AKT2: variants seen among roughly 807,000 people sequenced by gnomAD.
AKT2 encodes AKT serine/threonine kinase 2.
Under a neutral mutation model 58.6 loss-of-function variants are expected in AKT2, and 16 were observed. The ratio of observed to expected loss-of-function variants is 0.27; its 90% CI spans 0.18 to 0.41. The LOEUF (loss-of-function observed/expected upper bound fraction) is 0.41, where lower values mean the gene tolerates loss of function less well. Ranked by LOEUF, AKT2 falls within the 10% of genes least tolerant of loss-of-function variation. The pLI is 1.00. For synonymous variants in AKT2, 253 were observed against 254.0 expected (o/e 1.00, Z 0.04); for missense variants, 438 against 661.0 (o/e 0.66, Z 3.70).
chr19:40,242,844 G>A lies in AKT2; in HGVS notation c.288-157C>T. 1.2e-6 allele frequency: 1 copy of A among 800,758 alleles called. No individual in the cohort carries two copies. Among genetic ancestry groups the A allele is most frequent in the East Asian group, 2.7e-5 (1 of 37,012 alleles). 49.6% of individuals were successfully genotyped at this position (800,758 alleles called of 1,614,324 possible). A position where few individuals can be genotyped will look rare whatever the true frequency, so the allele number is the denominator to read the frequency against. ...AGATCTGTCAGAACCAGAGAGAGCT[G>A]AAGGGACCTGAGTGAAATTCCACGC... On this transcript the variant is annotated intron_variant, in intron 4 of 13. Transcript: ENST00000392038. This position sits in a 1 kb window ranked among gnomAD's most constrained non-coding sequence, Gnocchi z 4.3.
chr19:40,238,990 G>A lies in AKT2; in HGVS notation c.640-17C>T, dbSNP rs2145185102. ...CTTCAGCGCCTGGGGGATGAAGGCA[G>A]CAGGGTGGGAGGTGGGAGGGAGGAG... is the stretch of plus-strand genomic sequence containing the variant. On this transcript the variant is annotated splice_polypyrimidine_tract_variant and intron_variant, in intron 7 of 13. Coordinates refer to ENST00000392038, the MANE Select transcript of AKT2 (RefSeq NM_001626.6). This position sits in a 1 kb window ranked among gnomAD's most constrained non-coding sequence, Gnocchi z 5.1. 1 of 1,613,482 alleles carries A rather than the reference G, an allele frequency of 6.2e-7. No homozygotes were observed. The highest frequency in any genetic ancestry group is 8.5e-7 in the Non-Finnish European group (1 of 1,179,628).
At chr19:40,279,486 G>A (rs983174094) in intron 1 of AKT2, 2 of 152,304 alleles carry the variant, frequency 1.3e-5, no homozygotes, top group African/African-American at 4.8e-5. Context: ...CTGGGAAGCT[G>A]AAGAGAGGCC....
intron 1 of AKT2, among the ~76,000 whole-genome samples, chr19:40,280,570 G>C (rs1202570971): frequency 1.3e-5 from 2 of 152,102 alleles, no homozygotes; most frequent in Non-Finnish European, 2.9e-5. Context: ...TTCACAGACA[G>C]TCCACAAGGC....
At chr19:40,259,874 C>T (rs546833135) in intron 2 of AKT2, among the ~76,000 whole-genome samples, 2 of 152,294 alleles carry the variant, frequency 1.3e-5, no homozygotes, top group African/African-American at 4.8e-5. Flanking sequence ...CGATGAAGGC[C>T]GGGCGCGGTA....
At position 40,238,130 on chromosome 19, in the gene AKT2, A is replaced by C. The variant is rs1405406618; in HGVS notation, c.709-39T>G. 3.8e-6 allele frequency: 6 copies of C among 1,564,596 alleles called. No homozygotes were observed. The highest frequency in any genetic ancestry group is 1.2e-5 in the South Asian group (1 of 85,378). ...GGGTGGGGAGAGGAGGTCAGGCCCCAGCCCACCCACCTGCCCTCACCTTCC... is the reference window on the plus strand; with the variant it reads ...GGGTGGGGAGAGGAGGTCAGGCCCCCGCCCACCCACCTGCCCTCACCTTCC... On this transcript the variant is annotated intron_variant, in intron 8 of 13. Transcript: ENST00000392038. This position sits in a 1 kb window ranked among gnomAD's most constrained non-coding sequence, Gnocchi z 5.1.
At chr19:40,244,068 T>C (rs1352158786) in intron 4 of AKT2, 1 of 145,176 alleles carries the variant, frequency 6.9e-6, no homozygotes, top group Non-Finnish European at 1.5e-5. Context: ...ATAATAATAA[T>C]AATAATAATA....
At chr19:40,255,892 G>A (rs972399045) in intron 3 of AKT2, among the ~76,000 whole-genome samples, 9 of 152,312 alleles carry the variant, frequency 5.9e-5, no homozygotes, top group African/African-American at 2.2e-4. Context: ...AGAGGGTGAG[G>A]CTGGAGGTTG....
At chr19:40,255,443 G>A (rs1474414660) in intron 3 of AKT2, 174 bp from the exon 4 acceptor site, 11 of 574,334 alleles carry the variant, frequency 1.9e-5, no homozygotes, top group African/African-American at 5.6e-5. Context: ...GGTCTAGTGT[G>A]TGTGTGTGTG....
chr19:40,258,532 T>TG (rs1305963088), intron 2 of AKT2, among the ~76,000 whole-genome samples: 1 of 151,930 alleles, frequency 6.6e-6, no homozygotes, highest in African/African-American at 2.4e-5. Flanking sequence ...CAGGAGTCGT[T>TG]GCGTGTGCCT....
At chr19:40,262,233 C>T (rs1409888846) in intron 2 of AKT2, among the ~76,000 whole-genome samples, 3 of 148,930 alleles carry the variant, frequency 2.0e-5, no homozygotes, top group African/African-American at 5.0e-5. Flanking sequence ...ATAGCAAGAC[C>T]ATATATCTAT....
chr19:40,269,168 CA>C (rs1341352598), intron 1 of AKT2: 1 of 152,270 alleles, frequency 6.6e-6, no homozygotes, highest in East Asian at 1.9e-4. Flanking sequence ...GACACTCAGG[CA>C]GGGGGACAGA....
In AKT2 at chr19:40,235,857, G is replaced by A. The variant is rs777395366; in HGVS notation, c.1175+33C>T. 6 of 1,583,810 alleles carry A rather than the reference G, an allele frequency of 3.8e-6. No homozygotes were observed. Among genetic ancestry groups the A allele is most frequent in the East Asian group, 2.3e-5 (1 of 44,416 alleles). ...CGCAGGGACAGTGGCAGCAGCTGGC[G>A]CTGGGCTGGGTGGGGCCGACGCCAG... On this transcript the variant is annotated intron_variant, in intron 11 of 13. Transcript: ENST00000392038. This position sits in a 1 kb window ranked among gnomAD's most constrained non-coding sequence, Gnocchi z 6.3.
chr19:40,238,897 C>T lies in AKT2; in HGVS notation c.708+8G>A, dbSNP rs185154487. On this transcript the variant is annotated splice_region_variant and intron_variant, in intron 8 of 13. Transcript: ENST00000392038. The surrounding 1 kb of genome is among the most constrained non-coding windows in gnomAD (Gnocchi z 5.1). The stretch of plus-strand genomic sequence containing the variant: ...CCAGAGGGCAAAGTCAAGGCAGCCG[C>T]GGCTCACCTCACCCCCGTTGGCATA... 27 of 1,613,928 alleles carry T rather than the reference C, an allele frequency of 1.7e-5. No homozygotes were observed. The highest frequency in any genetic ancestry group is 5.3e-5 in the African/African-American group (4 of 74,924).
chr19:40,284,962 C>G (rs866075530), intron 1 of AKT2: 5 of 357,928 alleles, frequency 1.4e-5, no homozygotes, highest in Non-Finnish European at 2.5e-5. Context: ...AGCGCTCCCC[C>G]CACCGCCTCA....
chr19:40,276,330 T>C (rs74632307), intron 1 of AKT2, among the ~76,000 whole-genome samples: 15,548 of 136,488 alleles, frequency 0.11, 1,348 homozygotes, highest in African/African-American at 0.23. Flanking sequence ...AGCTTCCGCA[T>C]CTGTAAAATG....
Position 40,233,140 on chromosome 19 carries a change from A to T in AKT2, c.*732T>A, listed in dbSNP as rs1311471630. On this transcript the variant is annotated 3_prime_UTR_variant, in exon 14 of 14. Transcript: ENST00000392038. This position sits in a 1 kb window ranked among gnomAD's most constrained non-coding sequence, Gnocchi z 4.3. ...CTAGTAAGGCACGGGGCTGGGAGGC[A>T]GGCAGGTTTGGCCCCAAATGTTCCT... 8.4e-6 allele frequency: 2 copies of T among 237,702 alleles called. No homozygotes were observed. The highest frequency in any genetic ancestry group is 1.7e-5 in the Non-Finnish European group (2 of 121,200). The allele number at this position is 237,702 out of a possible 1,614,324, so 14.7% of individuals were successfully genotyped here.
At chr19:40,236,507 C>T in intron 9 of AKT2, 122 bp from the exon 10 acceptor site, 1 of 1,330,494 alleles carries the variant, frequency 7.5e-7, no homozygotes, top group Non-Finnish European at 1.1e-6. Context: ...CCAGGCTGGG[C>T]CCAGCACACA....
At position 40,238,944 on chromosome 19, in the gene AKT2, G is replaced by A. The variant is rs545889598; in HGVS notation, c.669C>T (p.Asp223=). The part of the protein sequence containing the change: ...TALKYAFQTH[D]RLCFVMEYAN... ...CATACTCCATCACAAAGCACAGGCG[G>A]TCGTGGGTCTGGAAGGCATACTTCA... The change falls in exon 8 of 14, where the codon GAC becomes GAT. Residue 223 remains aspartate (D), a synonymous_variant. Transcript: ENST00000392038. This position sits in a 1 kb window ranked among gnomAD's most constrained non-coding sequence, Gnocchi z 5.1. 6.2e-7 allele frequency: 1 copy of A among 1,614,096 alleles called. No individual in the cohort carries two copies.
Position 40,232,046 on chromosome 19 carries a change from C to G in AKT2, c.*1826G>C, listed in dbSNP as rs1349649607. ...GATCTTCCAGCCCTGTCCCTCCACC[C>G]CACCTCTCTTAGCCTAAGCAGCACT... On this transcript the variant is annotated 3_prime_UTR_variant, in exon 14 of 14. Coordinates refer to ENST00000392038, the MANE Select transcript of AKT2 (RefSeq NM_001626.6). 4.3e-6 allele frequency: 1 copy of G among 233,656 alleles called. No homozygotes were observed. The highest frequency in any genetic ancestry group is 8.4e-6 in the Non-Finnish European group (1 of 118,376). 14.5% of individuals were successfully genotyped at this position (233,656 alleles called of 1,614,324 possible). A position where few individuals can be genotyped will look rare whatever the true frequency, so the allele number is the denominator to read the frequency against.
Sources: gnomAD v4.1 joint callset for allele counts (sites outside exome capture counted in the v4.1 genomes callset) on GRCh38, gnomAD v4.1.1 for gene constraint, Gnocchi (gnomAD v3.1) non-coding constraint, MANE v1.5 for transcripts, NCBI Gene and HGNC (gene_info 2026-07-23, HGNC 2026-07-21) for gene names.